Variants in ALCAM observed in about 807,000 individuals in gnomAD.
The protein encoded by ALCAM is activated leukocyte cell adhesion molecule, also known as CD166 antigen.
Under a neutral mutation model 70.9 loss-of-function variants are expected in ALCAM, and 30 were observed. That is an observed-to-expected ratio of 0.42 (90% CI 0.32 to 0.57). The LOEUF (loss-of-function observed/expected upper bound fraction) is 0.57. ALCAM is among the 20% of genes least tolerant of loss of function. The probability of loss-of-function intolerance (pLI) is 0.11; values close to 1 mark genes in which losing one functional copy is unlikely to be tolerated. For missense variants in ALCAM, 591 were observed against 695.1 expected (o/e 0.85, Z 1.68); for synonymous variants, 249 against 242.5 (o/e 1.03, Z -0.25).
At chr3:105,405,711 G>C (rs978857084) in intron 1 of ALCAM, among the ~76,000 whole-genome samples, 2 of 152,116 alleles carry the variant, frequency 1.3e-5, no homozygotes, top group Non-Finnish European at 2.9e-5. Flanking sequence ...TACTCTCTCA[G>C]ACCACAGTGG....
intron 3 of ALCAM, among the ~76,000 whole-genome samples, chr3:105,531,016 A>G (rs1460034648): frequency 6.6e-6 from 1 of 152,090 alleles, no homozygotes; most frequent in African/African-American, 2.4e-5. Context: ...CTATAAAAGA[A>G]AAAGTAGCTG....
chr3:105,438,381 C>A (rs1937098198), intron 1 of ALCAM, among the ~76,000 whole-genome samples: 2 of 152,042 alleles, frequency 1.3e-5, no homozygotes, highest in South Asian at 4.1e-4. Flanking sequence ...AAGGGACACA[C>A]ATAATTTTAT....
At chr3:105,485,512 A>T (rs1004100847) in intron 1 of ALCAM, among the ~76,000 whole-genome samples, 2 of 152,032 alleles carry the variant, frequency 1.3e-5, no homozygotes, top group Non-Finnish European at 2.9e-5. Context: ...TTTAACCCAG[A>T]AATGTTCAAT....
At chr3:105,443,790 C>T (rs768047799) in intron 1 of ALCAM, among the ~76,000 whole-genome samples, 5 of 152,126 alleles carry the variant, frequency 3.3e-5, no homozygotes, top group Non-Finnish European at 4.4e-5. Flanking sequence ...ATTCTTTGAA[C>T]TGAATTCAAA....
chr3:105,424,193 T>C (rs537475262), intron 1 of ALCAM, among the ~76,000 whole-genome samples: 7 of 151,630 alleles, frequency 4.6e-5, no homozygotes, highest in Admixed American at 1.3e-4. Flanking sequence ...TAAAAACATA[T>C]GTAAAGAATA....
intron 6 of ALCAM, among the ~76,000 whole-genome samples, chr3:105,536,182 C>T (rs907390636): frequency 1.3e-5 from 2 of 151,834 alleles, no homozygotes; most frequent in African/African-American, 4.8e-5. Flanking sequence ...CAACCTCCAC[C>T]TCTTGAATTC....
At chr3:105,406,438 G>C (rs966399371) in intron 1 of ALCAM, among the ~76,000 whole-genome samples, 4 of 152,116 alleles carry the variant, frequency 2.6e-5, no homozygotes, top group African/African-American at 9.7e-5. Context: ...AAGGGCACTG[G>C]CTTTTAATAT....
intron 1 of ALCAM, among the ~76,000 whole-genome samples, chr3:105,453,094 A>G (rs1937474993): frequency 1.3e-5 from 2 of 152,034 alleles, no homozygotes; most frequent in African/African-American, 2.4e-5. Flanking sequence ...CCATTTGTCA[A>G]TTTTGGCTTT....
intron 1 of ALCAM, among the ~76,000 whole-genome samples, chr3:105,434,298 G>A (rs1036851769): frequency 5.3e-5 from 8 of 152,030 alleles, no homozygotes; most frequent in African/African-American, 1.2e-4. Context: ...ATATTGGAGC[G>A]AGAAAACATG....
chr3:105,452,394 G>C (rs1476206700), intron 1 of ALCAM, among the ~76,000 whole-genome samples: 1 of 152,028 alleles, frequency 6.6e-6, no homozygotes, highest in Non-Finnish European at 1.5e-5. Context: ...CCCTGCAAAG[G>C]ACATAATCTC....
chr3:105,504,964 C>T (rs1443344183), intron 1 of ALCAM, among the ~76,000 whole-genome samples: 2 of 152,218 alleles, frequency 1.3e-5, no homozygotes, highest in African/African-American at 2.4e-5. Flanking sequence ...CTCAATTTTA[C>T]AGCTGGGAAA....
intron 4 of ALCAM, 44 bp from the exon 5 acceptor site, chr3:105,533,559 C>G: frequency 6.5e-7 from 1 of 1,546,792 alleles, no homozygotes. Flanking sequence ...AATTGACAGC[C>G]CCTGATTGAA....
intron 1 of ALCAM, among the ~76,000 whole-genome samples, chr3:105,376,737 A>G (rs990677688): frequency 2.0e-5 from 3 of 152,170 alleles, no homozygotes; most frequent in Non-Finnish European, 2.9e-5. Context: ...AAACTCAGAA[A>G]ACGTCTAGCA....
intron 1 of ALCAM, among the ~76,000 whole-genome samples, chr3:105,505,355 G>GA (rs1397087325): frequency 1.3e-5 from 2 of 152,172 alleles, no homozygotes; most frequent in Admixed American, 1.3e-4. Flanking sequence ...AGAGAAGGAG[G>GA]AAGAGAGTGA....
chr3:105,430,597 C>T (rs559385367), intron 1 of ALCAM, among the ~76,000 whole-genome samples: 2 of 152,116 alleles, frequency 1.3e-5, no homozygotes, highest in East Asian at 1.9e-4. Flanking sequence ...TACTACTGTC[C>T]TTGATCCCCT....
chr3:105,442,062 C>G (rs1038106124), intron 1 of ALCAM, among the ~76,000 whole-genome samples: 1 of 152,136 alleles, frequency 6.6e-6, no homozygotes, highest in Non-Finnish European at 1.5e-5. Context: ...CATATTATTT[C>G]TTTCTATATA....
At chr3:105,551,802 C>G (rs1940414357) in intron 12 of ALCAM, among the ~76,000 whole-genome samples, 1 of 151,290 alleles carries the variant, frequency 6.6e-6, no homozygotes, top group Admixed American at 6.6e-5. Flanking sequence ...TGTAGACTTC[C>G]TAGGTGCCGA....
chr3:105,511,064 G>A (rs373710300), intron 1 of ALCAM, among the ~76,000 whole-genome samples: 14 of 151,882 alleles, frequency 9.2e-5, no homozygotes, highest in Non-Finnish European at 2.9e-5. Flanking sequence ...AAATTATCTT[G>A]TTCTTTTTCC....
intron 1 of ALCAM, among the ~76,000 whole-genome samples, chr3:105,502,630 G>C (rs1302016260): frequency 6.6e-6 from 1 of 152,246 alleles, no homozygotes; most frequent in Non-Finnish European, 1.5e-5. Context: ...AGGAACATCA[G>C]AGACTGCTAT....
Sources: gnomAD v4.1 joint callset for allele counts (sites outside exome capture counted in the v4.1 genomes callset) on GRCh38, gnomAD v4.1.1 for gene constraint, MANE v1.5 for transcripts, NCBI Gene and HGNC (gene_info 2026-07-23, HGNC 2026-07-21) for gene names.